The following PAX5 variants were observed in gnomAD, a reference collection of about 807,000 sequenced individuals.
PAX5 encodes paired box 5.
Under a neutral mutation model 43.7 loss-of-function variants are expected in PAX5, and 9 were observed. The ratio of observed to expected loss-of-function variants is 0.21; its 90% CI spans 0.12 to 0.36. The LOEUF (loss-of-function observed/expected upper bound fraction) is 0.36. PAX5 is among the 10% of genes least tolerant of loss of function. The pLI is 1.00. For missense variants in PAX5, 383 were observed against 532.7 expected, an observed-to-expected ratio of 0.72 and a Z score of 2.77; for synonymous variants, 228 against 214.3, an observed-to-expected ratio of 1.06 and a Z score of -0.56.
intron 6 of PAX5, among the ~76,000 whole-genome samples, chr9:36,953,529 TTC>T (rs1833185562): frequency 6.6e-6 from 1 of 152,212 alleles, no homozygotes; most frequent in Admixed American, 6.5e-5. Context: ...TCATTCTTTT[TTC>T]TCTTTGCTTT....
chr9:36,993,785 T>TC (rs1262351429), intron 5 of PAX5, among the ~76,000 whole-genome samples: 11 of 151,608 alleles, frequency 7.3e-5, no homozygotes, highest in African/African-American at 2.4e-4. Context: ...TGAGACTATA[T>TC]CCCCCTCCAT....
chr9:37,025,609 T>C (rs73646312), intron 1 of PAX5, among the ~76,000 whole-genome samples: 4,301 of 152,282 alleles, frequency 0.028, 194 homozygotes, highest in African/African-American at 0.094. Flanking sequence ...TGGAATTTCC[T>C]TGAAATCTCC....
chr9:36,875,761 C>T (rs1196735537), intron 8 of PAX5, among the ~76,000 whole-genome samples: 3 of 152,116 alleles, frequency 2.0e-5, no homozygotes, highest in South Asian at 4.1e-4. Flanking sequence ...AGCCCAACAT[C>T]GCCAGTTTCG....
At chr9:37,002,512 GC>G in intron 5 of PAX5, 135 bp downstream of exon 5, 1 of 879,248 alleles carries the variant, frequency 1.1e-6, no homozygotes, top group South Asian at 1.7e-5. Context: ...GAAAAGGACA[GC>G]GTGCGGGCCG....
At chr9:36,932,267 A>T (rs570721029) in intron 6 of PAX5, among the ~76,000 whole-genome samples, 142 of 152,348 alleles carry the variant, frequency 9.3e-4, no homozygotes, top group African/African-American at 3.3e-3. Flanking sequence ...TGTCTCAAAA[A>T]AATAATAAAA....
chr9:36,854,192 A>G (rs531575731), intron 8 of PAX5, among the ~76,000 whole-genome samples: 1 of 152,242 alleles, frequency 6.6e-6, no homozygotes, highest in Non-Finnish European at 1.5e-5. Context: ...GCAGAACTGC[A>G]TGAAATGCCT....
intron 9 of PAX5, among the ~76,000 whole-genome samples, chr9:36,846,316 C>T (rs749822631): frequency 6.6e-6 from 1 of 152,324 alleles, no homozygotes; most frequent in South Asian, 2.1e-4. Flanking sequence ...AAATGGCATG[C>T]TTTGTCAGAC....
At chr9:36,996,901 G>A (rs1837441440) in intron 5 of PAX5, among the ~76,000 whole-genome samples, 1 of 152,184 alleles carries the variant, frequency 6.6e-6, no homozygotes, top group Admixed American at 6.5e-5. Context: ...GAGAGGGAGA[G>A]AGAGAGTGTG....
chr9:36,874,783 A>G (rs761257633), intron 8 of PAX5, among the ~76,000 whole-genome samples: 1 of 152,168 alleles, frequency 6.6e-6, no homozygotes, highest in Non-Finnish European at 1.5e-5. Flanking sequence ...GCTCTGCTGG[A>G]GAGCTCTTGA....
chr9:36,967,935 A>G (rs1834584539), intron 5 of PAX5, among the ~76,000 whole-genome samples: 1 of 152,260 alleles, frequency 6.6e-6, no homozygotes. Context: ...CGAATTATCA[A>G]TAAAGAAACA....
chr9:36,904,422 C>T (rs1003206335), intron 7 of PAX5, among the ~76,000 whole-genome samples: 7 of 152,340 alleles, frequency 4.6e-5, no homozygotes, highest in Middle Eastern at 3.4e-3. Flanking sequence ...AAGGCAAACA[C>T]TTCTCTGGAT....
intron 3 of PAX5, among the ~76,000 whole-genome samples, chr9:37,013,869 G>GCACT (rs1180910795): frequency 6.6e-6 from 1 of 152,194 alleles, no homozygotes; most frequent in Non-Finnish European, 1.5e-5. Flanking sequence ...GTGAACACAT[G>GCACT]CACTCCCACA....
chr9:36,890,109 T>G (rs1827251194), intron 7 of PAX5, among the ~76,000 whole-genome samples: 1 of 152,174 alleles, frequency 6.6e-6, no homozygotes, highest in African/African-American at 2.4e-5. Context: ...CTTCAAACCC[T>G]TGCAGAATTC....
chr9:36,976,677 T>TGTTTCA (rs1835461083), intron 5 of PAX5, among the ~76,000 whole-genome samples: 1 of 152,254 alleles, frequency 6.6e-6, no homozygotes, highest in African/African-American at 2.4e-5. Flanking sequence ...TTCAGCCATT[T>TGTTTCA]GTTTCACTCA....
At chr9:36,951,285 T>C (rs1462030015) in intron 6 of PAX5, among the ~76,000 whole-genome samples, 1 of 152,220 alleles carries the variant, frequency 6.6e-6, no homozygotes, top group Non-Finnish European at 1.5e-5. Context: ...TGCCAATTTT[T>C]TGTCAGCTTG....
At chr9:36,979,341 AG>A (rs1835718253) in intron 5 of PAX5, among the ~76,000 whole-genome samples, 1 of 152,230 alleles carries the variant, frequency 6.6e-6, no homozygotes, top group Non-Finnish European at 1.5e-5. Context: ...AATTATAAGA[AG>A]GGCTCTTCAT....
At chr9:36,850,919 G>T (rs1168254358) in intron 8 of PAX5, among the ~76,000 whole-genome samples, 1 of 152,204 alleles carries the variant, frequency 6.6e-6, no homozygotes, top group Non-Finnish European at 1.5e-5. Context: ...AGCCTCATGG[G>T]ACTGGGCCTG....
At chr9:36,842,716 A>T (rs1822174288) in intron 9 of PAX5, among the ~76,000 whole-genome samples, 1 of 152,002 alleles carries the variant, frequency 6.6e-6, no homozygotes, top group Non-Finnish European at 1.5e-5. Context: ...ATCCCTTCAC[A>T]TCGGCCACAG....
At chr9:36,956,697 T>TGG (rs1833512521) in intron 6 of PAX5, among the ~76,000 whole-genome samples, 2 of 152,208 alleles carry the variant, frequency 1.3e-5, no homozygotes, top group African/African-American at 4.8e-5. Flanking sequence ...TTTCAAAAGC[T>TGG]ACTTAGAGAC....
Sources: allele counts gnomAD v4.1 joint callset (sites outside exome capture counted in the v4.1 genomes callset), GRCh38; gene constraint gnomAD v4.1.1; transcripts MANE v1.5; gene names NCBI Gene and HGNC (gene_info 2026-07-23, HGNC 2026-07-21).